The following CAPS2 variants were observed in gnomAD, a reference collection of about 807,000 sequenced individuals.
CAPS2 encodes calcyphosin-2.
A neutral mutation model predicts 86.5 loss-of-function variants in CAPS2; 98 were observed. The observed-to-expected ratio is 1.13, with a 90% confidence interval of 0.96 to 1.34. The LOEUF (loss-of-function observed/expected upper bound fraction) is 1.34, where lower values mean the gene tolerates loss of function less well. Ranked by LOEUF, CAPS2 falls within the 40% of genes most tolerant of loss-of-function variation. CAPS2 has a pLI of 0.00. For synonymous variants in CAPS2, 210 were observed against 225.1 expected, an observed-to-expected ratio of 0.93 and a Z score of 0.60; for missense variants, 729 against 686.8, an observed-to-expected ratio of 1.06 and a Z score of -0.69.
At chr12:75,276,706 A>G (rs1322923902), downstream of CAPS2, 1 of 788,700 alleles carries the variant, frequency 1.3e-6, no homozygotes, top group Non-Finnish European at 1.5e-6. Context: ...CAGAAAAATC[A>G]GTATATACAA....
chr12:75,371,824 T>G (rs1450176502), intron 1 of CAPS2, among the ~76,000 whole-genome samples: 2 of 152,226 alleles, frequency 1.3e-5, no homozygotes, highest in Admixed American at 1.3e-4. Context: ...AAAATACTTA[T>G]GACAATTACA....
At chr12:75,336,488 T>A (rs2139237254) in intron 1 of CAPS2, among the ~76,000 whole-genome samples, 1 of 151,862 alleles carries the variant, frequency 6.6e-6, no homozygotes, top group African/African-American at 2.4e-5. Flanking sequence ...ATGCAAACTC[T>A]AAAATTAAGA....
intron 1 of CAPS2, among the ~76,000 whole-genome samples, chr12:75,381,336 C>CT (rs2044961686): frequency 6.6e-6 from 1 of 152,160 alleles, no homozygotes; most frequent in South Asian, 2.1e-4. Flanking sequence ...AATTAAACCT[C>CT]TTTCTTTTGT....
At chr12:75,378,604 G>A (rs191327370) in intron 1 of CAPS2, among the ~76,000 whole-genome samples, 17 of 152,278 alleles carry the variant, frequency 1.1e-4, no homozygotes, top group African/African-American at 2.9e-4. Flanking sequence ...AAATGTTTAT[G>A]TTGCAGTCTG....
Position 75,337,255 on chromosome 12 carries a change from A to G in CAPS2, c.-394-14033T>C, listed in dbSNP as rs374337299. On this transcript the variant is annotated intron_variant, in intron 1 of 5. Transcript: ENST00000551829. ...TTTTAAAAAACTAAAGATGATCATA[A>G]TTTGATGAAATTGAAAGTAAAAGTA... Among the ~76,000 whole-genome samples, 10 of 151,932 alleles carry G rather than the reference A, an allele frequency of 6.6e-5. No individual in the cohort carries two copies. The South Asian group carries it at 1.7e-3, about 25-fold the overall frequency.
chr12:75,365,523 A>G (rs2043906514), intron 1 of CAPS2, among the ~76,000 whole-genome samples: 1 of 152,108 alleles, frequency 6.6e-6, no homozygotes, highest in Non-Finnish European at 1.5e-5. Context: ...AACAAACATT[A>G]TTTACCTTTC....
In CAPS2 at chr12:75,340,617, A is replaced by G. The variant is rs191982023; in HGVS notation, c.-394-17395T>C. Among the ~76,000 whole-genome samples the G allele has an allele frequency of 7.1e-4, 108 of 152,142 alleles. No individual in the cohort carries two copies. In the East Asian group the frequency reaches 0.018, roughly 25 times the overall value. On this transcript the variant is annotated intron_variant, in intron 1 of 5. Coordinates refer to the CAPS2 transcript ENST00000551829. Reference sequence around the variant, plus strand: ...TCAAAATAAGAAACTTCTACTTTCTAAAGTACCCTGTTAGGAAGATGAGAG... The same window carrying G: ...TCAAAATAAGAAACTTCTACTTTCTGAAGTACCCTGTTAGGAAGATGAGAG...
At chr12:75,287,010 T>C (rs1384425009) in intron 14 of CAPS2, among the ~76,000 whole-genome samples, 1 of 151,426 alleles carries the variant, frequency 6.6e-6, no homozygotes, top group Non-Finnish European at 1.5e-5. Context: ...GTTTTCTGCG[T>C]TCTAGTCCTA....
chr12:75,341,517 G>A (rs539146026), intron 1 of CAPS2, among the ~76,000 whole-genome samples: 2 of 152,188 alleles, frequency 1.3e-5, no homozygotes, highest in East Asian at 3.9e-4. Context: ...CGCTGTCTCG[G>A]CTCACTGCAA....
chr12:75,385,475 A>G (rs1214422429), intron 1 of CAPS2, among the ~76,000 whole-genome samples: 4 of 152,174 alleles, frequency 2.6e-5, no homozygotes, highest in African/African-American at 9.7e-5. Flanking sequence ...AGATATCAAT[A>G]TTTACAAAAA....
intron 1 of CAPS2, chr12:75,369,966 C>A: frequency 9.2e-7 from 1 of 1,091,078 alleles, no homozygotes; most frequent in Non-Finnish European, 1.3e-6. Flanking sequence ...TTAGGGACTC[C>A]ACAACTTATT....
chr12:75,376,023 G>A (rs142232197), intron 1 of CAPS2, among the ~76,000 whole-genome samples: 8 of 152,218 alleles, frequency 5.3e-5, no homozygotes, highest in East Asian at 1.9e-4. Flanking sequence ...TTCTGGATCC[G>A]CCCAGTTGGA....
At position 75,378,018 on chromosome 12, in the gene CAPS2, G is replaced by A. The variant is rs536989663; in HGVS notation, c.-395+12820C>T. ...GATTGATACTTTTTTTTCTTTTTGA[G>A]ACAGGGTCTCACTCTGTCACCCAGG... On this transcript the variant is annotated intron_variant, in intron 1 of 5. Coordinates refer to the CAPS2 transcript ENST00000551829. 1.1e-3 allele frequency among the ~76,000 whole-genome samples: 162 copies of A among 151,424 alleles called. 1 individual carries two copies. Among genetic ancestry groups the A allele is most frequent in the African/African-American group, 3.8e-3 (155 of 41,274 alleles).
intron 1 of CAPS2, among the ~76,000 whole-genome samples, chr12:75,361,810 T>G (rs555706128): frequency 6.6e-6 from 1 of 152,150 alleles, no homozygotes; most frequent in African/African-American, 2.4e-5. Flanking sequence ...TCCCTAAACT[T>G]GGGGCTTACA....
chr12:75,293,189 G>A (rs2036299484), intron 12 of CAPS2, 60 bp downstream of exon 12: 3 of 994,466 alleles, frequency 3.0e-6, no homozygotes, highest in Non-Finnish European at 4.7e-6. Flanking sequence ...GTCATTTTAA[G>A]ATAATTTAAA....
exon 17 of CAPS2, chr12:75,278,511 A>G (rs2033295713): frequency 2.0e-6 from 2 of 989,644 alleles, no homozygotes; most frequent in Non-Finnish European, 2.4e-6. Flanking sequence ...ATGTGAAAGG[A>G]CAGGAAACTT....
intron 1 of CAPS2, among the ~76,000 whole-genome samples, chr12:75,335,081 G>C (rs1232006321): frequency 1.3e-5 from 2 of 152,188 alleles, no homozygotes; most frequent in Non-Finnish European, 2.9e-5. Flanking sequence ...GAGTGAACAA[G>C]AAAGGAAGAC....
Position 75,323,047 on chromosome 12 carries a change from G to T in CAPS2, c.218C>A (p.Pro73Gln). 1 of 1,550,542 alleles carries T rather than the reference G, an allele frequency of 6.4e-7. No homozygotes were observed. Residue 73 changes from proline to glutamine, a missense_variant, in exon 4 of 17, where the codon CCA becomes CAA. Physicochemically the swap from Pro to Gln is moderately conservative, Grantham distance 76 (BLOSUM62 -1). Coordinates refer to ENST00000393284, the Ensembl canonical transcript of CAPS2. ...CCAGCCAAGAGTAGAAGATGAATTT[G>T]GCAGGTTTGCTGTACTAAGTGGAAT...
At chr12:75,336,022 G>A (rs977556712) in intron 1 of CAPS2, among the ~76,000 whole-genome samples, 3 of 151,900 alleles carry the variant, frequency 2.0e-5, no homozygotes, top group African/African-American at 7.2e-5. Flanking sequence ...ACAATGAATT[G>A]TGGAGTTTAT....
Sources: allele counts gnomAD v4.1 joint callset (sites outside exome capture counted in the v4.1 genomes callset), GRCh38; gene constraint gnomAD v4.1.1; transcripts MANE v1.5; gene names NCBI Gene and HGNC (gene_info 2026-07-23, HGNC 2026-07-21).